AZIN2: variants seen among roughly 807,000 people sequenced by gnomAD.
AZIN2 encodes the protein antizyme inhibitor 2.
In AZIN2, 28 loss-of-function variants were observed where a neutral mutation model predicts 47.8. That is an observed-to-expected ratio of 0.59 (90% CI 0.43 to 0.80). AZIN2 has a LOEUF of 0.80. Among genes scored for constraint, AZIN2 ranks in the 30% least tolerant of loss-of-function variants. The pLI is 0.00. For missense variants in AZIN2, 535 were observed against 582.5 expected (o/e 0.92, Z 0.84); for synonymous variants, 221 against 239.4 (o/e 0.92, Z 0.71).
rs371506489 is a variant in AZIN2, at chr1:33,113,538, CT to C, written c.1030-4357del. ...TTCTATGTATTATGCTTTTTTGTTT[CT>C]TTTTTTCTGATAGCTATTGCTAGCA... On this transcript the variant is annotated intron_variant, in intron 10 of 11. Transcript: ENST00000294517. The surrounding 1 kb of genome is among the most constrained non-coding windows in gnomAD (Gnocchi z 4.1). Among the ~76,000 whole-genome samples, 312 of 152,114 alleles carry C rather than the reference CT, an allele frequency of 2.1e-3. 3 individuals carry two copies. The highest frequency in any genetic ancestry group is 6.6e-3 in the African/African-American group (272 of 41,526).
chr1:33,108,590 A>G (rs1421633186), intron 10 of AZIN2, among the ~76,000 whole-genome samples: 1 of 152,090 alleles, frequency 6.6e-6, no homozygotes. Flanking sequence ...TGATTCGCCC[A>G]CCTTGGCCTC....
At chr1:33,139,141 C>T in the AZIN2 span, among the ~76,000 whole-genome samples, 1 of 152,124 alleles carries the variant, frequency 6.6e-6, no homozygotes, top group African/African-American at 2.4e-5. Flanking sequence ...AAAAAGCAAA[C>T]AAATAACTTT....
chr1:33,133,718 T>G, the AZIN2 span, among the ~76,000 whole-genome samples: 1 of 152,166 alleles, frequency 6.6e-6, no homozygotes, highest in African/African-American at 2.4e-5. Flanking sequence ...GGGCAGGCTG[T>G]GCTTCTGGCC....
At chr1:33,165,372 C>A in the AZIN2 span, 1 of 1,153,588 alleles carries the variant, frequency 8.7e-7, no homozygotes, top group East Asian at 2.7e-5. This position sits in a 1 kb window ranked among gnomAD's most constrained non-coding sequence, Gnocchi z 4.0. Flanking sequence ...GTTTCCACCG[C>A]ACACCCGAGG....
chr1:33,087,447 T>TA (rs1642048330), intron 5 of AZIN2, among the ~76,000 whole-genome samples: 7 of 149,752 alleles, frequency 4.7e-5, no homozygotes, highest in East Asian at 3.9e-4. Flanking sequence ...ATATATATAT[T>TA]TTTTTTTGAG....
chr1:33,087,711 C>T (rs554688091), intron 5 of AZIN2, among the ~76,000 whole-genome samples: 31 of 151,358 alleles, frequency 2.0e-4, no homozygotes, highest in Non-Finnish European at 7.4e-5. Context: ...GCTGGGACTA[C>T]AGGCATGAGC....
At chr1:33,131,209 A>G in the AZIN2 span, among the ~76,000 whole-genome samples, 1 of 152,238 alleles carries the variant, frequency 6.6e-6, no homozygotes. Flanking sequence ...GTCAAAGTGT[A>G]TGGTATACCA....
Position 33,098,100 on chromosome 1 carries a change from A to G in AZIN2, c.950A>G (p.Tyr317Cys). The change falls in exon 10 of 12, where the codon TAC becomes TGC. Residue 317 changes from tyrosine to cysteine, a missense_variant. Around this residue, in one of 3 missense-constraint regions of AZIN2, gnomAD observed 409 missense variants for 429.0 expected, o/e 0.95. Transcript: ENST00000294517. ...GGTTCCACCTCCAAGACCATCGTGTACCACCTTGATGAGGGCGTGTATGGG... is the reference window on the plus strand; with the variant it reads ...GGTTCCACCTCCAAGACCATCGTGTGCCACCTTGATGAGGGCGTGTATGGG... ...ENGSTSKTIVYHLDEGVYGIF... is the reference protein window; with the variant it reads ...ENGSTSKTIVCHLDEGVYGIF... 1 of 1,614,014 alleles carries G rather than the reference A, an allele frequency of 6.2e-7. No individual in the cohort carries two copies. Among genetic ancestry groups the G allele is most frequent in the South Asian group, 1.1e-5 (1 of 91,074 alleles).
At chr1:33,154,089 G>A in the AZIN2 span, among the ~76,000 whole-genome samples, 2 of 152,254 alleles carry the variant, frequency 1.3e-5, no homozygotes, top group African/African-American at 4.8e-5. Context: ...GGCTGCAGCC[G>A]AAGGGAATGG....
At chr1:33,085,617 A>G (rs1453665956) in intron 5 of AZIN2, among the ~76,000 whole-genome samples, 3 of 152,174 alleles carry the variant, frequency 2.0e-5, no homozygotes, top group Non-Finnish European at 4.4e-5. Context: ...GGGCAGGATG[A>G]CAGGGCTGGA....
the AZIN2 span, among the ~76,000 whole-genome samples, chr1:33,148,970 T>G: frequency 6.6e-6 from 1 of 152,158 alleles, no homozygotes; most frequent in Non-Finnish European, 1.5e-5. Context: ...AACCTCTCAC[T>G]TCTGCCCCCT....
At chr1:33,153,983 T>C in the AZIN2 span, among the ~76,000 whole-genome samples, 1 of 152,176 alleles carries the variant, frequency 6.6e-6, no homozygotes, top group South Asian at 2.1e-4. Context: ...CAGGTTGCCT[T>C]GAGAAATCCA....
chr1:33,143,448 A>AGGATGG, the AZIN2 span, among the ~76,000 whole-genome samples: 13 of 152,168 alleles, frequency 8.5e-5, no homozygotes, highest in African/African-American at 2.4e-4. Flanking sequence ...GGGATCTGAG[A>AGGATGG]GGATGGGGGA....
chr1:33,108,894 A>G (rs144630046), intron 10 of AZIN2, among the ~76,000 whole-genome samples: 11 of 152,232 alleles, frequency 7.2e-5, no homozygotes, highest in Non-Finnish European at 5.9e-5. Context: ...ACTAAGGAGT[A>G]CAATTGCTGG....
At chr1:33,151,712 C>T in the AZIN2 span, among the ~76,000 whole-genome samples, 1 of 152,166 alleles carries the variant, frequency 6.6e-6, no homozygotes, top group Non-Finnish European at 1.5e-5. Context: ...GTCTGGTCTC[C>T]AGGTGTGTTG....
chr1:33,166,409 T>G, the AZIN2 span: 1 of 149,766 alleles, frequency 6.7e-6, no homozygotes, highest in Non-Finnish European at 1.5e-5. Context: ...TGGGGACCAC[T>G]GCTCTAAGGA....
the AZIN2 span, chr1:33,165,620 T>C: frequency 6.7e-7 from 1 of 1,496,988 alleles, no homozygotes; most frequent in South Asian, 1.3e-5. The surrounding 1 kb of genome is among the most constrained non-coding windows in gnomAD (Gnocchi z 4.0). Flanking sequence ...GGCCCAGGCA[T>C]TCAGCCCTGA....
the AZIN2 span, among the ~76,000 whole-genome samples, chr1:33,151,296 G>A: frequency 2.6e-5 from 4 of 152,074 alleles, no homozygotes; most frequent in African/African-American, 9.7e-5. Context: ...GCCGGCCTAG[G>A]GGCAGGGCCT....
chr1:33,118,244 G>T (rs1323938312), intron 11 of AZIN2, 128 bp downstream of exon 11: 2 of 1,044,660 alleles, frequency 1.9e-6, no homozygotes, highest in East Asian at 5.6e-5. Context: ...CTGGTCCCAC[G>T]TGAGGGATGT....
Sources: gnomAD v4.1 joint callset for allele counts (sites outside exome capture counted in the v4.1 genomes callset) on GRCh38, gnomAD v4.1.1 for gene constraint, gnomAD v4.1.1 regional missense constraint, Gnocchi (gnomAD v3.1) non-coding constraint, MANE v1.5 for transcripts, NCBI Gene and HGNC (gene_info 2026-07-23, HGNC 2026-07-21) for gene names.